CSN3: variants seen among roughly 807,000 people sequenced by gnomAD.
CSN3 encodes casein kappa.
In CSN3, 7 loss-of-function variants were observed where a neutral mutation model predicts 9.9. The ratio of observed to expected loss-of-function variants is 0.71; its 90% CI spans 0.40 to 1.33. The LOEUF (loss-of-function observed/expected upper bound fraction) is 1.33, where lower values mean the gene tolerates loss of function less well. Among genes scored for constraint, CSN3 ranks in the 40% most tolerant of loss-of-function variants. CSN3 has a pLI of 0.01. For missense variants in CSN3, 253 were observed against 227.9 expected (o/e 1.11, Z -0.71); for synonymous variants, 88 against 82.3 (o/e 1.07, Z -0.37).
chr4:70,249,433 G>A, exon 4 of CSN3: 1 of 1,613,698 alleles, frequency 6.2e-7, no homozygotes, highest in Non-Finnish European at 8.5e-7. Flanking sequence ...GACAACCACA[G>A]TTGCAGTTAC....
chr4:70,239,334 T>A (rs1730228689), upstream of CSN3, among the ~76,000 whole-genome samples: 1 of 151,892 alleles, frequency 6.6e-6, no homozygotes, highest in South Asian at 2.1e-4. Flanking sequence ...ACCACTGGAT[T>A]TGGCTACACA....
exon 4 of CSN3, chr4:70,249,179 A>G (rs776694773): frequency 1.9e-6 from 3 of 1,613,992 alleles, no homozygotes; most frequent in Non-Finnish European, 1.7e-6. Flanking sequence ...GTTAGGCCAC[A>G]TGCCCAAATT....
chr4:70,240,731 G>A (rs1421346734), upstream of CSN3, among the ~76,000 whole-genome samples: 1 of 151,980 alleles, frequency 6.6e-6, no homozygotes, highest in Non-Finnish European at 1.5e-5. Flanking sequence ...TTTAGACTAT[G>A]AGGTCCACAA....
chr4:70,246,939 T>A (rs1730389647), intron 2 of CSN3, among the ~76,000 whole-genome samples: 1 of 152,140 alleles, frequency 6.6e-6, no homozygotes, highest in East Asian at 1.9e-4. Flanking sequence ...CCCAAAGTGC[T>A]GGGATTACAG....
At chr4:70,243,340 C>G (rs1259762900) in intron 1 of CSN3, 2 of 170,922 alleles carry the variant, frequency 1.2e-5, no homozygotes, top group Non-Finnish European at 2.3e-5. Context: ...AGTCTATAAT[C>G]CTAAAAGATC....
chr4:70,239,671 C>G (rs1187166141), upstream of CSN3, among the ~76,000 whole-genome samples: 2 of 151,848 alleles, frequency 1.3e-5, no homozygotes, highest in African/African-American at 4.8e-5. Flanking sequence ...AGCACTATCT[C>G]CTTAGATAAT....
At chr4:70,238,679 T>C (rs1730217583), upstream of CSN3, among the ~76,000 whole-genome samples, 1 of 151,832 alleles carries the variant, frequency 6.6e-6, no homozygotes, top group South Asian at 2.1e-4. Flanking sequence ...GGTTCAAGTG[T>C]AACATGCCAG....
At chr4:70,246,892 G>A (rs1482493800) in intron 2 of CSN3, among the ~76,000 whole-genome samples, 1 of 151,864 alleles carries the variant, frequency 6.6e-6, no homozygotes, top group Non-Finnish European at 1.5e-5. Flanking sequence ...GGCTGGTCTT[G>A]AACCCCTGAC....
intron 2 of CSN3, among the ~76,000 whole-genome samples, chr4:70,247,418 G>C (rs1730401245): frequency 1.3e-5 from 2 of 152,068 alleles, no homozygotes; most frequent in African/African-American, 2.4e-5. Context: ...CTTAGTATGA[G>C]AGCAGAGAAA....
At chr4:70,249,294 A>C in exon 4 of CSN3, 1 of 1,614,104 alleles carries the variant, frequency 6.2e-7, no homozygotes, top group South Asian at 1.1e-5. Context: ...TTCAGGATAA[A>C]ATAATCATCC....
intron 2 of CSN3, among the ~76,000 whole-genome samples, chr4:70,245,420 T>G (rs961947551): frequency 6.6e-6 from 1 of 152,196 alleles, no homozygotes; most frequent in African/African-American, 2.4e-5. Context: ...GTCAATTGAC[T>G]GACCCCTTTC....
intron 2 of CSN3, among the ~76,000 whole-genome samples, chr4:70,246,508 A>C (rs1168804356): frequency 6.6e-6 from 1 of 152,024 alleles, no homozygotes; most frequent in Non-Finnish European, 1.5e-5. Context: ...TATGAAACCT[A>C]TGATATAAAT....
upstream of CSN3, among the ~76,000 whole-genome samples, chr4:70,239,052 G>T (rs957092469): frequency 6.6e-6 from 1 of 151,778 alleles, no homozygotes; most frequent in Non-Finnish European, 1.5e-5. Flanking sequence ...GATACTTAAG[G>T]TTACAGGAAT....
Position 70,249,362 on chromosome 4 carries a change from C to T in CSN3, c.452C>T (p.Thr151Met), listed in dbSNP as rs758916271. 33 of 1,613,964 alleles carry T rather than the reference C, an allele frequency of 2.0e-5. No individual in the cohort carries two copies. Among genetic ancestry groups the T allele is most frequent in the South Asian group, 1.2e-4 (11 of 91,082 alleles). Residue 151 changes from threonine (T) to methionine (M), a missense_variant, in exon 4 of 5, where the codon ACG (threonine) becomes ATG (methionine). Thr to Met is a moderately conservative substitution (Grantham distance 81). Transcript: ENST00000304954. ...ACACCAGCTCCTGCCACTGAACCAACGGTGGACAGTGTAGTCACTCCAGAA... is the reference window on the plus strand; with the variant it reads ...ACACCAGCTCCTGCCACTGAACCAATGGTGGACAGTGTAGTCACTCCAGAA...
upstream of CSN3, among the ~76,000 whole-genome samples, chr4:70,242,244 T>C (rs1376484755): frequency 6.6e-6 from 1 of 151,656 alleles, no homozygotes; most frequent in Non-Finnish European, 1.5e-5. Flanking sequence ...TCAAGCTTTA[T>C]GAGTGATGAC....
At chr4:70,241,123 T>C (rs1350587532), upstream of CSN3, among the ~76,000 whole-genome samples, 2 of 152,052 alleles carry the variant, frequency 1.3e-5, no homozygotes, top group African/African-American at 2.4e-5. Flanking sequence ...GAGAAATTAC[T>C]ATGTGAAATA....
At chr4:70,249,572 T>C (rs908341876) in intron 4 of CSN3, 79 bp downstream of exon 4, 12 of 851,450 alleles carry the variant, frequency 1.4e-5, no homozygotes, top group Non-Finnish European at 2.1e-5. Context: ...TCTAAAATAG[T>C]ACAAATAGAT....
At chr4:70,244,873 G>T in exon 2 of CSN3, 2 of 1,559,968 alleles carry the variant, frequency 1.3e-6, no homozygotes, top group Non-Finnish European at 1.7e-6. Flanking sequence ...TGCCTTTTTT[G>T]GTAAGTTAAT....
Position 70,247,869 on chromosome 4 carries a change from C to T in CSN3, c.87+19C>T. The T allele has an allele frequency of 1.3e-6, 2 of 1,588,496 alleles. No homozygotes were observed. Among genetic ancestry groups the T allele is most frequent in the Non-Finnish European group, 1.7e-6 (2 of 1,167,576 alleles). Reference sequence around the variant, plus strand: ...ACCAGCAGTAAGTCTATTTTAATTACTTCTGTTACAGGCATGAACTACAAA... The same window carrying T: ...ACCAGCAGTAAGTCTATTTTAATTATTTCTGTTACAGGCATGAACTACAAA... On this transcript the variant is annotated intron_variant, in intron 3 of 4. Coordinates refer to ENST00000304954, the Ensembl canonical transcript of CSN3.
Sources: gnomAD v4.1 joint callset for allele counts (sites outside exome capture counted in the v4.1 genomes callset) on GRCh38, gnomAD v4.1.1 for gene constraint, MANE v1.5 for transcripts, NCBI Gene and HGNC (gene_info 2026-07-23, HGNC 2026-07-21) for gene names.